Variants in ZC3H3 observed in about 807,000 individuals in gnomAD.
The protein encoded by ZC3H3 is zinc finger CCCH domain-containing protein 3.
ZC3H3 carries 36 observed loss-of-function variants against 77.3 expected under a neutral mutation model. The ratio of observed to expected loss-of-function variants is 0.47; its 90% CI spans 0.36 to 0.61. ZC3H3 has a LOEUF of 0.61. Ranked by LOEUF, ZC3H3 falls within the 20% of genes least tolerant of loss-of-function variation. The pLI is 0.00. For synonymous variants in ZC3H3, 626 were observed against 555.2 expected (o/e 1.13, Z -1.79); for missense variants, 1,331 against 1,312.2 (o/e 1.01, Z -0.22).
chr8:143,537,948 A>G (rs544455558), intron 2 of ZC3H3, 55 bp downstream of exon 2: 2 of 1,506,640 alleles, frequency 1.3e-6, no homozygotes, highest in East Asian at 2.3e-5. Flanking sequence ...AGGGGTGCCA[A>G]ACAAACCCTC....
In ZC3H3 at chr8:143,535,520, C is replaced by G. The variant is rs983014437; in HGVS notation, c.1561+737G>C. Among the ~76,000 whole-genome samples, 36 of 152,326 alleles carry G rather than the reference C, an allele frequency of 2.4e-4. 1 individual carries two copies. The highest frequency in any genetic ancestry group is 2.0e-3 in the Admixed American group (31 of 15,302). ...GTGCACACAGACGAACGTGGCTCCACACTGACCCCCACGGTGTCTGGGGGG... is the reference window on the plus strand; with the variant it reads ...GTGCACACAGACGAACGTGGCTCCAGACTGACCCCCACGGTGTCTGGGGGG... On this transcript the variant is annotated intron_variant, in intron 3 of 11. Transcript: ENST00000262577.
chr8:143,508,832 C>G (rs1821790082), intron 3 of ZC3H3, among the ~76,000 whole-genome samples: 1 of 152,178 alleles, frequency 6.6e-6, no homozygotes, highest in Non-Finnish European at 1.5e-5. Context: ...CCCGGGACCC[C>G]TGACTGCCCA....
intron 4 of ZC3H3, among the ~76,000 whole-genome samples, chr8:143,497,241 T>A (rs1362645676): frequency 6.6e-6 from 1 of 152,028 alleles, no homozygotes; most frequent in Admixed American, 6.6e-5. Context: ...ACTATTCTCC[T>A]CCCTCCCAGG....
intron 4 of ZC3H3, among the ~76,000 whole-genome samples, chr8:143,476,195 C>G (rs757851095): frequency 2.6e-5 from 4 of 152,212 alleles, no homozygotes; most frequent in East Asian, 1.9e-4. Context: ...TGCCTCTTCT[C>G]CTCCTCCACC....
At chr8:143,524,264 A>G (rs1284305054) in intron 3 of ZC3H3, among the ~76,000 whole-genome samples, 2 of 152,212 alleles carry the variant, frequency 1.3e-5, no homozygotes, top group Admixed American at 6.5e-5. Flanking sequence ...GTGGGGACAC[A>G]GTCCCAGAGT....
chr8:143,489,007 A>G (rs998107890), intron 4 of ZC3H3, among the ~76,000 whole-genome samples: 1 of 152,230 alleles, frequency 6.6e-6, no homozygotes, highest in Admixed American at 6.5e-5. Flanking sequence ...GCCAGCAGTC[A>G]TGCCCCCTCT....
At chr8:143,516,906 A>G (rs1240346939) in intron 3 of ZC3H3, among the ~76,000 whole-genome samples, 4 of 152,236 alleles carry the variant, frequency 2.6e-5, no homozygotes, top group Non-Finnish European at 5.9e-5. Flanking sequence ...TCCGCAGTGC[A>G]GTCTGAGGAG....
At chr8:143,497,849 C>T (rs1821397260) in intron 4 of ZC3H3, among the ~76,000 whole-genome samples, 1 of 152,234 alleles carries the variant, frequency 6.6e-6, no homozygotes. Context: ...TCTCTGCACT[C>T]GAACACGCTG....
intron 5 of ZC3H3, among the ~76,000 whole-genome samples, chr8:143,474,452 C>T (rs938441387): frequency 5.9e-5 from 9 of 152,364 alleles, no homozygotes; most frequent in Non-Finnish European, 1.2e-4. Context: ...CCAGGGCCCC[C>T]GTGCTGCTCC....
chr8:143,519,392 T>C (rs1047849879), intron 3 of ZC3H3, among the ~76,000 whole-genome samples: 6 of 152,130 alleles, frequency 3.9e-5, no homozygotes, highest in Admixed American at 1.3e-4. Flanking sequence ...CATAGTGCAA[T>C]GGGAGGGACC....
intron 9 of ZC3H3, among the ~76,000 whole-genome samples, 170 bp downstream of exon 9, chr8:143,465,547 C>T (rs1021071006): frequency 4.6e-5 from 7 of 152,198 alleles, no homozygotes; most frequent in Non-Finnish European, 1.0e-4. Context: ...TGTGCAACCC[C>T]GGGAAAGTTG....
Position 143,440,220 on chromosome 8 carries a change from G to C in ZC3H3, c.2636C>G (p.Ser879Cys). ...GTCCAAGGAAGCGGGAGGGGATGAGGAGGAGGAGGAGGAGGAGGAAGCCTT... is the reference window on the plus strand; with the variant it reads ...GTCCAAGGAAGCGGGAGGGGATGAGCAGGAGGAGGAGGAGGAGGAAGCCTT... ...SSKASSSSSS[S>C]SSPPASLDHE... The change falls in exon 11 of 12, where the codon TCC becomes TGC. Residue 879 changes from serine to cysteine, a missense_variant. Physicochemically the swap from Ser to Cys is moderately radical, Grantham distance 112 (BLOSUM62 -1). Coordinates refer to ENST00000262577, the MANE Select transcript of ZC3H3 (RefSeq NM_015117.3). The C allele has an allele frequency of 6.5e-7, 1 of 1,546,448 alleles. No individual in the cohort carries two copies. The highest frequency in any genetic ancestry group is 8.8e-7 in the Non-Finnish European group (1 of 1,131,172).
intron 3 of ZC3H3, among the ~76,000 whole-genome samples, chr8:143,519,328 G>C (rs1238296635): frequency 6.6e-6 from 1 of 152,142 alleles, no homozygotes; most frequent in Non-Finnish European, 1.5e-5. Flanking sequence ...CACAGGGAAG[G>C]GTGGGTGAGA....
intron 9 of ZC3H3, among the ~76,000 whole-genome samples, chr8:143,464,334 C>T (rs1820350362): frequency 6.6e-6 from 1 of 152,236 alleles, no homozygotes; most frequent in Non-Finnish European, 1.5e-5. Flanking sequence ...CTGCCACTGC[C>T]CCCACAGGGT....
At chr8:143,506,883 G>GGTCC (rs1183873692) in intron 4 of ZC3H3, among the ~76,000 whole-genome samples, 1 of 152,342 alleles carries the variant, frequency 6.6e-6, no homozygotes, top group Admixed American at 6.5e-5. Context: ...AGGCAGCTAC[G>GGTCC]GTCCGGTGGG....
At chr8:143,458,042 A>G (rs1820166308) in intron 9 of ZC3H3, among the ~76,000 whole-genome samples, 5 of 152,236 alleles carry the variant, frequency 3.3e-5, no homozygotes, top group Admixed American at 2.6e-4. Context: ...TCAGTAAAAC[A>G]AAGAATGGGT....
At chr8:143,516,439 C>T (rs942967536) in intron 3 of ZC3H3, among the ~76,000 whole-genome samples, 3 of 151,916 alleles carry the variant, frequency 2.0e-5, no homozygotes, top group Non-Finnish European at 2.9e-5. Context: ...CTGCTCGCTG[C>T]CCCCATTAGG....
At chr8:143,521,167 T>TC (rs1365999477) in intron 3 of ZC3H3, among the ~76,000 whole-genome samples, 1 of 151,930 alleles carries the variant, frequency 6.6e-6, no homozygotes, top group African/African-American at 2.4e-5. Context: ...GCAGCCTGGC[T>TC]CCTCCCAAGA....
At chr8:143,506,595 G>C (rs1821704012) in intron 4 of ZC3H3, among the ~76,000 whole-genome samples, 1 of 152,132 alleles carries the variant, frequency 6.6e-6, no homozygotes, top group African/African-American at 2.4e-5. Flanking sequence ...TAGCCCCCGA[G>C]ATGCTTATAA....
Sources: allele counts gnomAD v4.1 joint callset (sites outside exome capture counted in the v4.1 genomes callset), GRCh38; gene constraint gnomAD v4.1.1; transcripts MANE v1.5; gene names NCBI Gene and HGNC (gene_info 2026-07-23, HGNC 2026-07-21).